GRIP1: variants seen among roughly 807,000 people sequenced by gnomAD.
The protein encoded by GRIP1 is glutamate receptor-interacting protein 1.
A neutral mutation model predicts 129.9 loss-of-function variants in GRIP1; 45 were observed. That is an observed-to-expected ratio of 0.35 (90% CI 0.27 to 0.44). The LOEUF is 0.44. Ranked by LOEUF, GRIP1 falls within the 20% of genes least tolerant of loss-of-function variation. The pLI is 1.00. For synonymous variants in GRIP1, 530 were observed against 520.8 expected (o/e 1.02, Z -0.24); for missense variants, 1,196 against 1,396.8 (o/e 0.86, Z 2.29).
chr12:66,455,476 G>C lies in GRIP1; in HGVS notation c.1287C>G (p.Leu429=). ...TGGTTCCACGTGGGCTGGTGGAGTA[G>C]AGGCTTCGAGGTAGAGTCCCCATGT... is the stretch of plus-strand genomic sequence containing the variant. ...SLNMGTLPRS[L]YSTSPRGTMM... is the part of the protein sequence containing the mutation. The change falls in exon 11 of 25, where the codon CTC becomes CTG. Residue 429 remains leucine, a synonymous_variant. Coordinates refer to ENST00000359742, the MANE Select transcript of GRIP1 (RefSeq NM_001366722.1). 6.2e-7 allele frequency: 1 copy of C among 1,613,858 alleles called. No homozygotes were observed. Among genetic ancestry groups the C allele is most frequent in the Non-Finnish European group, 8.5e-7 (1 of 1,179,712 alleles).
chr12:66,630,488 A>T (rs1753138972), intron 1 of GRIP1, among the ~76,000 whole-genome samples: 1 of 150,688 alleles, frequency 6.6e-6, no homozygotes, highest in South Asian at 2.1e-4. Context: ...CTTGATTTGT[A>T]TAAAAATTTT....
chr12:66,664,850 G>A (rs913319959), intron 1 of GRIP1, among the ~76,000 whole-genome samples: 17 of 151,862 alleles, frequency 1.1e-4, no homozygotes, highest in Admixed American at 9.9e-4. Context: ...AATGTTAATG[G>A]TACAGGAGAG....
At chr12:66,376,908 TG>T in intron 22 of GRIP1, 108 bp downstream of exon 22, 1 of 816,942 alleles carries the variant, frequency 1.2e-6, no homozygotes, top group Non-Finnish European at 2.2e-6. Flanking sequence ...GGGGTGGAGA[TG>T]GGGATATACT....
At chr12:66,942,786 C>T (rs762678048) in intron 1 of GRIP1, among the ~76,000 whole-genome samples, 24 of 152,086 alleles carry the variant, frequency 1.6e-4, no homozygotes, top group South Asian at 4.1e-4. Flanking sequence ...TATTAGGAGG[C>T]GGAGCTTTTG....
In GRIP1 at chr12:67,048,150, G is replaced by GA. The variant is rs35243687; in HGVS notation, c.58+20899dup. On this transcript the variant is annotated intron_variant, in intron 1 of 1. Coordinates refer to the GRIP1 transcript ENST00000643019. ...TGAGCTTCCTCTAGTCTTATTTTGG[G>GA]AAAAAAAAAAAAAGGTATTCCTGTT... Among the ~76,000 whole-genome samples, 618 of 137,292 alleles carry GA rather than the reference G, an allele frequency of 4.5e-3. 2 individuals are homozygous for GA. The highest frequency in any genetic ancestry group is 0.013 in the African/African-American group (472 of 37,346). The allele number at this position is 137,292 out of a possible 152,430, so 90.1% of individuals were successfully genotyped here. A position where few individuals can be genotyped will look rare whatever the true frequency, so the allele number is the denominator to read the frequency against.
intron 1 of GRIP1, among the ~76,000 whole-genome samples, chr12:66,789,108 T>C (rs556936792): frequency 2.5e-4 from 38 of 152,332 alleles, no homozygotes; most frequent in Non-Finnish European, 4.7e-4. Context: ...AGCATAATTC[T>C]ATTAGGTTGA....
At chr12:66,452,653 C>A (rs2058841066) in intron 11 of GRIP1, among the ~76,000 whole-genome samples, 1 of 152,076 alleles carries the variant, frequency 6.6e-6, no homozygotes, top group African/African-American at 2.4e-5. Flanking sequence ...ACACAAATGG[C>A]CTGGTTGCTA....
At chr12:66,858,539 T>C (rs960713004) in intron 1 of GRIP1, among the ~76,000 whole-genome samples, 2 of 151,986 alleles carry the variant, frequency 1.3e-5, no homozygotes, top group Non-Finnish European at 2.9e-5. Flanking sequence ...TAGGTAATAG[T>C]GTCTACTGTT....
rs1833019410 is a variant in GRIP1, at chr12:66,674,613, T to C, written c.55+4237A>G. Among the ~76,000 whole-genome samples the C allele has an allele frequency of 2.6e-5, 4 of 152,116 alleles. No individual in the cohort carries two copies. The South Asian group carries it at 6.2e-4, about 24-fold the overall frequency. On this transcript the variant is annotated intron_variant, in intron 1 of 24. Coordinates refer to ENST00000359742, the MANE Select transcript of GRIP1 (RefSeq NM_001366722.1). Reference sequence around the variant, plus strand: ...GTGAGATTGTTCTTGTCAGAGAGAATTGAGAATAAGATTACTGGTTGTCTG... The same window carrying C: ...GTGAGATTGTTCTTGTCAGAGAGAACTGAGAATAAGATTACTGGTTGTCTG...
intron 1 of GRIP1, among the ~76,000 whole-genome samples, chr12:66,872,712 C>T (rs997218636): frequency 6.6e-5 from 10 of 152,114 alleles, no homozygotes; most frequent in East Asian, 1.9e-4. Context: ...ACTGCTTCTA[C>T]GGAAAAGGAA....
At chr12:66,564,156 T>A (rs989869395) in intron 2 of GRIP1, 2 of 153,174 alleles carry the variant, frequency 1.3e-5, no homozygotes, top group Non-Finnish European at 2.9e-5. Context: ...TTTTAAGTTC[T>A]AGGGTACATG....
At chr12:66,639,625 A>C (rs1460344408) in intron 1 of GRIP1, among the ~76,000 whole-genome samples, 2 of 152,216 alleles carry the variant, frequency 1.3e-5, no homozygotes, top group South Asian at 2.1e-4. Flanking sequence ...CACAGAAAAG[A>C]ATGATAAATA....
At chr12:66,944,845 T>G (rs1444538984) in intron 1 of GRIP1, among the ~76,000 whole-genome samples, 1 of 152,162 alleles carries the variant, frequency 6.6e-6, no homozygotes, top group Non-Finnish European at 1.5e-5. Flanking sequence ...CAGGCTAGAG[T>G]ACAGTGGCAC....
chr12:66,387,099 C>G (rs1373401750), intron 19 of GRIP1, among the ~76,000 whole-genome samples: 1 of 152,102 alleles, frequency 6.6e-6, no homozygotes, highest in Non-Finnish European at 1.5e-5. Context: ...AGAGAAGACA[C>G]CTATGGCCAG....
At chr12:67,025,904 C>T (rs991390789) in intron 1 of GRIP1, among the ~76,000 whole-genome samples, 2 of 152,184 alleles carry the variant, frequency 1.3e-5, no homozygotes, top group Non-Finnish European at 2.9e-5. Flanking sequence ...AGTGAATTCT[C>T]AAAATACTCC....
intron 1 of GRIP1, among the ~76,000 whole-genome samples, chr12:66,971,995 T>G (rs1270180405): frequency 6.6e-6 from 1 of 152,148 alleles, no homozygotes; most frequent in Non-Finnish European, 1.5e-5. Context: ...GGAAATGTGT[T>G]GCTCAACAAG....
chr12:66,832,018 C>A (rs924080450), intron 1 of GRIP1, among the ~76,000 whole-genome samples: 7 of 147,694 alleles, frequency 4.7e-5, no homozygotes, highest in African/African-American at 1.7e-4. Flanking sequence ...CATCCAGACT[C>A]ACATTTGGAA....
chr12:66,361,653 CTGGCTGGCTGTGGCGG>C (rs2137166041), intron 23 of GRIP1, among the ~76,000 whole-genome samples: 1 of 152,294 alleles, frequency 6.6e-6, no homozygotes, highest in Admixed American at 6.6e-5. Context: ...CACCACCAAG[CTGGCTGGCTGTGGCGG>C]AGTCCCTGTT....
At chr12:66,354,578 C>A (rs1023609522) in intron 23 of GRIP1, among the ~76,000 whole-genome samples, 1 of 152,122 alleles carries the variant, frequency 6.6e-6, no homozygotes, top group Non-Finnish European at 1.5e-5. Flanking sequence ...GTGCCAGATG[C>A]CCTCCACAAA....
Sources: gnomAD v4.1 joint callset for allele counts (sites outside exome capture counted in the v4.1 genomes callset) on GRCh38, gnomAD v4.1.1 for gene constraint, MANE v1.5 for transcripts, NCBI Gene and HGNC (gene_info 2026-07-23, HGNC 2026-07-21) for gene names.